The following SUZ12 variants were observed in gnomAD, a reference collection of about 807,000 sequenced individuals.
SUZ12 encodes the protein SUZ12 polycomb repressive complex 2 subunit.
SUZ12 carries 17 observed loss-of-function variants against 87.3 expected under a neutral mutation model. The ratio of observed to expected loss-of-function variants is 0.19; its 90% CI spans 0.13 to 0.29. SUZ12 has a LOEUF of 0.29. SUZ12 is among the 10% of genes least tolerant of loss of function. SUZ12 has a pLI of 1.00. For synonymous variants in SUZ12, 253 were observed against 312.4 expected (o/e 0.81, Z 2.01); for missense variants, 526 against 912.2 (o/e 0.58, Z 5.45).
At chr17:31,965,488 G>T (rs512698) in intron 4 of SUZ12, among the ~76,000 whole-genome samples, 16,235 of 152,014 alleles carry the variant, frequency 0.11, 1,058 homozygotes, top group South Asian at 0.15. Flanking sequence ...GTTCATGCTT[G>T]CTTTTGCTTT....
chr17:31,953,914 A>G (rs1907139098), intron 4 of SUZ12, among the ~76,000 whole-genome samples: 1 of 151,548 alleles, frequency 6.6e-6, no homozygotes, highest in South Asian at 2.1e-4. Flanking sequence ...GGGTTTCACC[A>G]TGTTGGCCAG....
At chr17:31,959,449 G>A (rs555855105) in intron 4 of SUZ12, among the ~76,000 whole-genome samples, 22 of 152,254 alleles carry the variant, frequency 1.4e-4, no homozygotes, top group East Asian at 5.8e-4. Context: ...TAGAAAGTGC[G>A]TCTAACCCCT....
intron 14 of SUZ12, 77 bp from the exon 15 acceptor site, chr17:31,996,721 A>G: frequency 9.7e-7 from 1 of 1,034,664 alleles, no homozygotes; most frequent in South Asian, 1.7e-5. Context: ...TTAGTTCCAA[A>G]ACATTCTGTT....
chr17:31,978,384 T>C (rs1398517879), intron 8 of SUZ12, among the ~76,000 whole-genome samples: 1 of 151,940 alleles, frequency 6.6e-6, no homozygotes, highest in East Asian at 1.9e-4. Context: ...AATTTTTGTA[T>C]TTTTAGTAGA....
intron 8 of SUZ12, among the ~76,000 whole-genome samples, chr17:31,980,155 TC>T (rs1458904380): frequency 1.1e-4 from 16 of 151,336 alleles, no homozygotes; most frequent in East Asian, 5.8e-4. Flanking sequence ...AAGACCTCGT[TC>T]CTAAAAAGAA....
chr17:31,939,647 C>T (rs1275375084), intron 1 of SUZ12, among the ~76,000 whole-genome samples: 3 of 152,042 alleles, frequency 2.0e-5, no homozygotes, highest in South Asian at 2.1e-4. Context: ...CCTCAGCCTC[C>T]CAAGTAGCTG....
chr17:31,979,736 C>G (rs1908985882), intron 8 of SUZ12, among the ~76,000 whole-genome samples: 1 of 152,192 alleles, frequency 6.6e-6, no homozygotes, highest in Admixed American at 6.6e-5. Context: ...TCCATTGTAA[C>G]AGTACTTTTT....
chr17:31,937,121 TC>T lies in SUZ12; in HGVS notation c.-122del. ...CCTCCTCCCTTCCCTTCCCCTCTCC[TC>T]CCCTCTCTCCTCCTTCCCCCCTCGG... On this transcript the variant is annotated 5_prime_UTR_variant, in exon 1 of 16. Coordinates refer to ENST00000322652, the MANE Select transcript of SUZ12 (RefSeq NM_015355.4). 1 of 791,094 alleles carries T rather than the reference TC, an allele frequency of 1.3e-6. No individual in the cohort carries two copies. Among genetic ancestry groups the T allele is most frequent in the Non-Finnish European group, 1.8e-6 (1 of 559,090 alleles). The allele number at this position is 791,094 out of a possible 1,614,324, so 49.0% of individuals were successfully genotyped here.
At position 31,982,889 on chromosome 17, in the gene SUZ12, G is replaced by A; in HGVS notation, c.918-110G>A. ...TTTTAAAATCTTGTTGGGTATGTAA[G>A]CTAGTTTATAAATTTAATAAATGGT... On this transcript the variant is annotated intron_variant, in intron 8 of 15. Transcript: ENST00000322652. The A allele has an allele frequency of 2.9e-6, 4 of 1,367,756 alleles. 1 individual carries two copies. The highest frequency in any genetic ancestry group is 3.9e-6 in the Non-Finnish European group (4 of 1,020,164). The allele number at this position is 1,367,756 out of a possible 1,614,324, so 84.7% of individuals were successfully genotyped here.
intron 5 of SUZ12, among the ~76,000 whole-genome samples, chr17:31,971,335 A>G (rs1053205947): frequency 6.6e-6 from 1 of 152,076 alleles, no homozygotes; most frequent in African/African-American, 2.4e-5. Context: ...ATTTAATTCA[A>G]ATGTTATCTT....
Position 31,999,772 on chromosome 17 carries a change from C to A in SUZ12, c.*769C>A. ...TTTTTTTTTTAACTTGAACATTTTG[C>A]TTGTTTTGTTTTTCTTTTTTAATTA... On this transcript the variant is annotated 3_prime_UTR_variant, in exon 16 of 16. Coordinates refer to ENST00000322652, the MANE Select transcript of SUZ12 (RefSeq NM_015355.4). The A allele has an allele frequency of 4.4e-6, 1 of 229,852 alleles. No individual in the cohort carries two copies. Among genetic ancestry groups the A allele is most frequent in the East Asian group, 6.2e-5 (1 of 16,164 alleles). The allele number at this position is 229,852 out of a possible 1,614,324, so 14.2% of individuals were successfully genotyped here.
Position 31,998,078 on chromosome 17 carries a change from A to ATTT in SUZ12, c.1875-563_1875-561dup, listed in dbSNP as rs532761317. Among the ~76,000 whole-genome samples, 100 of 136,554 alleles carry ATTT rather than the reference A, an allele frequency of 7.3e-4. 2 individuals are homozygous for ATTT. Among genetic ancestry groups the ATTT allele is most frequent in the Middle Eastern group, 3.8e-3 (1 of 266 alleles). 89.6% of individuals were successfully genotyped at this position (136,554 alleles called of 152,430 possible). On this transcript the variant is annotated intron_variant, in intron 15 of 15. Coordinates refer to ENST00000322652, the MANE Select transcript of SUZ12 (RefSeq NM_015355.4). ...CACAGTGAAACCTTGTCTCTACTAAATTTTTTTTTTTTTTTTTTTGAGACG... is the reference window on the plus strand; with the variant it reads ...CACAGTGAAACCTTGTCTCTACTAAATTTTTTTTTTTTTTTTTTTTTTGAGACG...
At chr17:31,986,616 A>C (rs764004106) in intron 9 of SUZ12, among the ~76,000 whole-genome samples, 4 of 151,894 alleles carry the variant, frequency 2.6e-5, no homozygotes, top group Non-Finnish European at 5.9e-5. Context: ...CAATGGTGCA[A>C]TTTCGGCTCA....
At position 31,993,187 on chromosome 17, in the gene SUZ12, T is replaced by C. The variant is rs1466374129; in HGVS notation, c.1202-55T>C. On this transcript the variant is annotated intron_variant, in intron 10 of 15. Transcript: ENST00000322652. Reference sequence around the variant, plus strand: ...ATTTAATAGTTTTTGTGAGGTATGTTATTTTGCTTTTCAAAAGCAATGTTT... The same window carrying C: ...ATTTAATAGTTTTTGTGAGGTATGTCATTTTGCTTTTCAAAAGCAATGTTT... The C allele has an allele frequency of 2.7e-6, 3 of 1,115,114 alleles. No individual in the cohort carries two copies. The Admixed American group carries it at 8.2e-5, about 30-fold the overall frequency. 69.1% of individuals were successfully genotyped at this position (1,115,114 alleles called of 1,614,324 possible).
At chr17:31,959,998 A>G (rs1229361735) in intron 4 of SUZ12, among the ~76,000 whole-genome samples, 2 of 152,202 alleles carry the variant, frequency 1.3e-5, no homozygotes, top group Admixed American at 6.5e-5. Context: ...CATGTAAACT[A>G]GATTTTTTTG....
Position 31,995,254 on chromosome 17 carries a change from G to A in SUZ12, c.1596-310G>A, listed in dbSNP as rs111720133. Among the ~76,000 whole-genome samples the A allele has an allele frequency of 6.3e-3, 962 of 152,288 alleles. 8 individuals are homozygous for A. The highest frequency in any genetic ancestry group is 0.022 in the African/African-American group (916 of 41,534). On this transcript the variant is annotated intron_variant, in intron 13 of 15. Transcript: ENST00000322652. ...GAGTTAGAATACACAGTTTTGACATGTAGGATTTTATATGCATATTCCTAT... is the reference window on the plus strand; with the variant it reads ...GAGTTAGAATACACAGTTTTGACATATAGGATTTTATATGCATATTCCTAT...
rs1053400435 is a variant in SUZ12, at chr17:31,940,588, C to G, written c.386+102C>G. 1.1e-5 allele frequency: 16 copies of G among 1,463,398 alleles called. No individual in the cohort carries two copies. In the African/African-American group the frequency reaches 1.9e-4, roughly 17 times the overall value. The allele number at this position is 1,463,398 out of a possible 1,614,324, so 90.7% of individuals were successfully genotyped here. On this transcript the variant is annotated intron_variant, in intron 3 of 15. Transcript: ENST00000322652. ...AAAAAAAAACGAACAAAAATAAGTA[C>G]TATTTCTAACTAAAGATTTAAGATG...
intron 10 of SUZ12, among the ~76,000 whole-genome samples, chr17:31,992,104 C>T (rs1909749417): frequency 6.6e-6 from 1 of 151,166 alleles, no homozygotes; most frequent in African/African-American, 2.4e-5. Context: ...CCAGCCTGGG[C>T]AATATGGTGA....
intron 4 of SUZ12, among the ~76,000 whole-genome samples, chr17:31,958,041 T>C (rs750447697): frequency 6.6e-6 from 1 of 151,724 alleles, no homozygotes; most frequent in Non-Finnish European, 1.5e-5. Flanking sequence ...TAGCTGGGAC[T>C]ACAGGCGCCT....
Sources: gnomAD v4.1 joint callset for allele counts (sites outside exome capture counted in the v4.1 genomes callset) on GRCh38, gnomAD v4.1.1 for gene constraint, MANE v1.5 for transcripts, NCBI Gene and HGNC (gene_info 2026-07-23, HGNC 2026-07-21) for gene names.